The following ZNFX1 variants were observed in gnomAD, a reference collection of about 807,000 sequenced individuals.
The protein encoded by ZNFX1 is zinc finger NFX1-type containing 1.
In ZNFX1, 78 loss-of-function variants were observed where a neutral mutation model predicts 179.8. The observed-to-expected ratio is 0.43, with a 90% CI of 0.36 to 0.52. The LOEUF is 0.52. Among genes scored for constraint, ZNFX1 ranks in the 20% least tolerant of loss-of-function variants. ZNFX1 has a pLI of 0.00. For missense variants in ZNFX1, 1,927 were observed against 2,386.6 expected (o/e 0.81, Z 4.01); for synonymous variants, 848 against 868.5 (o/e 0.98, Z 0.42).
At chr20:49,252,000 T>G (rs552057787) in intron 12 of ZNFX1, among the ~76,000 whole-genome samples, 1 of 151,678 alleles carries the variant, frequency 6.6e-6, no homozygotes, top group African/African-American at 2.4e-5. Context: ...CCTGGCTAAT[T>G]TTTTGTATTT....
At chr20:49,261,606 G>A (rs567965642) in intron 6 of ZNFX1, among the ~76,000 whole-genome samples, 12 of 151,908 alleles carry the variant, frequency 7.9e-5, no homozygotes, top group African/African-American at 2.9e-4. Context: ...TGAGTACTAG[G>A]CTTAATATCT....
rs547486623 is a variant in ZNFX1, at chr20:49,277,874, G to C, written c.-49+147C>G. ...GGGGCGACGGGGCGCTGAGGGGCCA[G>C]GGGCTCTGAGCGGGTGACGGGTGCG... On this transcript the variant is annotated intron_variant, in intron 1 of 13. Transcript: ENST00000396105. 9.8e-5 allele frequency: 15 copies of C among 153,608 alleles called. 1 individual carries two copies. In the South Asian group the frequency reaches 2.8e-3, roughly 29 times the overall value. The allele number at this position is 153,608 out of a possible 1,614,324, so 9.5% of individuals were successfully genotyped here. A position where few individuals can be genotyped will look rare whatever the true frequency, so the allele number is the denominator to read the frequency against.
intron 9 of ZNFX1, among the ~76,000 whole-genome samples, chr20:49,255,175 C>CT (rs749884073): frequency 1.4e-4 from 22 of 151,886 alleles, no homozygotes; most frequent in Non-Finnish European, 2.4e-4. Context: ...TCCCGAGTAG[C>CT]TGGGATTATA....
chr20:49,247,396 A>G lies in ZNFX1; in HGVS notation c.5628T>C (p.Ile1876=). 6.2e-7 allele frequency: 1 copy of G among 1,614,198 alleles called. No homozygotes were observed. Among genetic ancestry groups the G allele is most frequent in the Non-Finnish European group, 8.5e-7 (1 of 1,180,034 alleles). ...RGTCPDCKEV[I]GGTNHTLERS... ...TTTCCAGAGTATGATTTGTGCCACC[A>G]ATCACTTCCTTACAGTCAGGACACG... The change falls in exon 14 of 14, where the codon ATT becomes ATC. Residue 1876 remains isoleucine (I), a synonymous_variant. Coordinates refer to ENST00000396105, the MANE Select transcript of ZNFX1 (RefSeq NM_021035.3).
At chr20:49,264,215 C>T (rs1220533665) in intron 5 of ZNFX1, among the ~76,000 whole-genome samples, 1 of 152,148 alleles carries the variant, frequency 6.6e-6, no homozygotes, top group African/African-American at 2.4e-5. Flanking sequence ...GAGCAAGACC[C>T]TGTCTCAAAA....
intron 8 of ZNFX1, 67 bp from the exon 9 acceptor site, chr20:49,256,014 A>G: frequency 6.3e-7 from 1 of 1,579,668 alleles, no homozygotes; most frequent in Non-Finnish European, 8.6e-7. Context: ...AGCCCAAGGC[A>G]GGGGTCACAG....
chr20:49,246,681 T>TA lies in ZNFX1; in HGVS notation c.*585dup, dbSNP rs1051198265. The TA allele has an allele frequency of 8.3e-6, 3 of 362,762 alleles. No homozygotes were observed. The highest frequency in any genetic ancestry group is 6.5e-5 in the African/African-American group (3 of 46,412). The allele number at this position is 362,762 out of a possible 1,614,324, so 22.5% of individuals were successfully genotyped here. ...ACCCAGAGATACCACTAGGTGGCCC[T>TA]AGGTGGAAGCCCCAAACATGTTCCA... On this transcript the variant is annotated 3_prime_UTR_variant, in exon 14 of 14. Coordinates refer to ENST00000396105, the MANE Select transcript of ZNFX1 (RefSeq NM_021035.3).
In ZNFX1 at chr20:49,248,020, C is replaced by T. The variant is rs774691328; in HGVS notation, c.5004G>A (p.Leu1668=). 6.2e-7 allele frequency: 1 copy of T among 1,614,158 alleles called. No homozygotes were observed. Among genetic ancestry groups the T allele is most frequent in the Non-Finnish European group, 8.5e-7 (1 of 1,180,040 alleles). ...GCTGGTGGAGGAGGCTCTTCCTCTC[C>T]AGCAGGGCCTTAAGCCGTTCCTGGC... ...ATSQERLKAL[L]ERKSLLHQLL... is the part of the protein sequence containing the mutation. Residue 1668 remains leucine, a synonymous_variant, in exon 14 of 14, where the codon CTG becomes CTA. Transcript: ENST00000396105. The surrounding 1 kb of genome is among the most constrained non-coding windows in gnomAD (Gnocchi z 4.6).
chr20:49,264,927 G>C, intron 4 of ZNFX1, 63 bp from the exon 5 acceptor site: 1 of 1,609,248 alleles, frequency 6.2e-7, no homozygotes, highest in Non-Finnish European at 8.5e-7. Flanking sequence ...TCTCAGGTGA[G>C]AGCTGTGTGT....
chr20:49,263,298 C>G, intron 6 of ZNFX1, 36 bp downstream of exon 6: 1 of 1,607,334 alleles, frequency 6.2e-7, no homozygotes. Context: ...GTACTGAGGC[C>G]AGAGACATAT....
chr20:49,257,702 CTTTTTT>C (rs11295162), intron 7 of ZNFX1, 38 bp from the exon 8 acceptor site: 8 of 1,381,194 alleles, frequency 5.8e-6, no homozygotes, highest in African/African-American at 3.2e-5. Flanking sequence ...GATGAAAACT[CTTTTTT>C]TTTTTTTTTT....
intron 3 of ZNFX1, among the ~76,000 whole-genome samples, chr20:49,269,520 A>G (rs747792678): frequency 5.3e-5 from 8 of 152,184 alleles, no homozygotes; most frequent in South Asian, 2.1e-4. Context: ...TGTCTCTACT[A>G]AAAATACAAA....
chr20:49,253,476 C>T (rs1215645525), intron 11 of ZNFX1, among the ~76,000 whole-genome samples, 190 bp downstream of exon 11: 2 of 152,146 alleles, frequency 1.3e-5, no homozygotes, highest in Non-Finnish European at 2.9e-5. Context: ...AAATAAATGA[C>T]GTTGCCACTA....
rs111923303 is a variant in ZNFX1 at position 49,272,331 on chromosome 20, C to T, written c.62-581G>A. On this transcript the variant is annotated intron_variant, in intron 2 of 13. Coordinates refer to ENST00000396105, the MANE Select transcript of ZNFX1 (RefSeq NM_021035.3). ...AGCTGGGATTACACACACCTGCCAC[C>T]GCGCCTGGCTAATTTTTATATTTTT... Among the ~76,000 whole-genome samples, 977 of 152,218 alleles carry T rather than the reference C, an allele frequency of 6.4e-3. 9 individuals are homozygous for T. Among genetic ancestry groups the T allele is most frequent in the African/African-American group, 0.022 (917 of 41,530 alleles).
At chr20:49,266,571 A>G (rs1273804076) in intron 3 of ZNFX1, among the ~76,000 whole-genome samples, 1 of 147,854 alleles carries the variant, frequency 6.8e-6, no homozygotes, top group Non-Finnish European at 1.5e-5. Flanking sequence ...TATGAATAGT[A>G]ACAGACAATT....
intron 2 of ZNFX1, among the ~76,000 whole-genome samples, chr20:49,272,164 T>C (rs184823186): frequency 2.5e-4 from 38 of 150,092 alleles, no homozygotes; most frequent in South Asian, 2.3e-3. Context: ...ATAATTTCTC[T>C]AAGTCTCAGT....
At chr20:49,273,396 T>C (rs989727915) in intron 2 of ZNFX1, among the ~76,000 whole-genome samples, 2 of 152,146 alleles carry the variant, frequency 1.3e-5, no homozygotes, top group Non-Finnish European at 2.9e-5. Context: ...CCTCCCAAAG[T>C]GCTGGGATTA....
chr20:49,247,618 G>C lies in ZNFX1; in HGVS notation c.5406C>G (p.Thr1802=), dbSNP rs1351569581. Reference sequence around the variant, plus strand: ...CCTGCACAAGTTGTTCATCCTCTTGGGTGAACTTACATGTTTTCTCAAGGA... The same window carrying C: ...CCTGCACAAGTTGTTCATCCTCTTGCGTGAACTTACATGTTTTCTCAAGGA... The part of the protein sequence containing the change: ...QNILEKTCKF[T]QEDEQLVQEK... Residue 1802 remains threonine (T), a synonymous_variant, in exon 14 of 14, where the codon ACC becomes ACG. Coordinates refer to ENST00000396105, the MANE Select transcript of ZNFX1 (RefSeq NM_021035.3). 2 of 1,614,164 alleles carry C rather than the reference G, an allele frequency of 1.2e-6. No homozygotes were observed. The highest frequency in any genetic ancestry group is 8.5e-7 in the Non-Finnish European group (1 of 1,180,044).
rs1253194594 is a variant in ZNFX1 at position 49,246,814 on chromosome 20, A to G, written c.*453T>C. On this transcript the variant is annotated 3_prime_UTR_variant, in exon 14 of 14. Coordinates refer to ENST00000396105, the MANE Select transcript of ZNFX1 (RefSeq NM_021035.3). Reference sequence around the variant, plus strand: ...CTAGCGCAGGGGTAAATCTAGAAACAAATGTGGGTGAGCCCTAAAAGTGGA... The same window carrying G: ...CTAGCGCAGGGGTAAATCTAGAAACGAATGTGGGTGAGCCCTAAAAGTGGA... 8.8e-6 allele frequency: 4 copies of G among 455,116 alleles called. No individual in the cohort carries two copies. The highest frequency in any genetic ancestry group is 6.2e-5 in the South Asian group (4 of 64,286). The allele number at this position is 455,116 out of a possible 1,614,324, so 28.2% of individuals were successfully genotyped here.
Sources: gnomAD v4.1 joint callset for allele counts (sites outside exome capture counted in the v4.1 genomes callset) on GRCh38, gnomAD v4.1.1 for gene constraint, Gnocchi (gnomAD v3.1) non-coding constraint, MANE v1.5 for transcripts, NCBI Gene and HGNC (gene_info 2026-07-23, HGNC 2026-07-21) for gene names.